Variants in RUBCN observed in about 807,000 individuals in gnomAD.
RUBCN encodes run domain Beclin-1-interacting and cysteine-rich domain-containing protein.
Under a neutral mutation model 113.2 loss-of-function variants are expected in RUBCN, and 74 were observed. The observed-to-expected ratio is 0.65, with a 90% CI of 0.54 to 0.79. The LOEUF is 0.79. Ranked by LOEUF, RUBCN falls within the 30% of genes least tolerant of loss-of-function variation. RUBCN has a pLI of 0.00. For synonymous variants in RUBCN, 480 were observed against 490.0 expected (o/e 0.98, Z 0.27); for missense variants, 1,109 against 1,251.7 (o/e 0.89, Z 1.72).
rs1721365424 is a variant in RUBCN at position 197,682,555 on chromosome 3, A to G, written c.2041T>C (p.Tyr681His). The G allele has an allele frequency of 6.2e-7, 1 of 1,614,126 alleles. No individual in the cohort carries two copies. The highest frequency in any genetic ancestry group is 8.5e-7 in the Non-Finnish European group (1 of 1,180,012). ...SPDDGQHADIYKLRIRVRGNL... is the reference protein window; with the variant it reads ...SPDDGQHADIHKLRIRVRGNL... ...CCACGAACACGAATCCGCAGCTTGT[A>G]GATGTCAGCGTGCTGCCCGTCATCC... Residue 681 changes from tyrosine (Y) to histidine (H), a missense_variant, in exon 14 of 20, where the codon TAC (tyrosine) becomes CAC (histidine). Transcript: ENST00000296343.
chr3:197,671,008 CT>C lies in RUBCN; in HGVS notation c.*4009del, dbSNP rs1034256924. ...CCCCTCATGCCACAGTGTGCTGGTG[CT>C]TTTTTTGTTTTGTTTTGTTTTTTTG... On this transcript the variant is annotated 3_prime_UTR_variant, in exon 20 of 20. Coordinates refer to ENST00000296343, the MANE Select transcript of RUBCN (RefSeq NM_014687.4). 3.3e-5 allele frequency among the ~76,000 whole-genome samples: 5 copies of C among 151,976 alleles called. No homozygotes were observed. The highest frequency in any genetic ancestry group is 2.1e-4 in the South Asian group (1 of 4,818).
exon 1 of RUBCN, chr3:197,749,665 G>C: frequency 1.3e-6 from 1 of 748,818 alleles, no homozygotes; most frequent in South Asian, 1.4e-5. Flanking sequence ...CCGCGGTCTA[G>C]CATCCCCCAG....
At chr3:197,686,781 G>T (rs770516605) in intron 11 of RUBCN, among the ~76,000 whole-genome samples, 6 of 152,084 alleles carry the variant, frequency 3.9e-5, no homozygotes, top group Non-Finnish European at 8.8e-5. Context: ...TGATTTTTTT[G>T]TACAAAAACA....
At position 197,681,935 on chromosome 3, in the gene RUBCN, C is replaced by A. The variant is rs1167180154; in HGVS notation, c.2127-36G>T. 1 of 1,553,276 alleles carries A rather than the reference C, an allele frequency of 6.4e-7. No homozygotes were observed. The highest frequency in any genetic ancestry group is 1.1e-5 in the South Asian group (1 of 89,808). On this transcript the variant is annotated intron_variant, in intron 14 of 19. Coordinates refer to ENST00000296343, the MANE Select transcript of RUBCN (RefSeq NM_014687.4). This position sits in a 1 kb window ranked among gnomAD's most constrained non-coding sequence, Gnocchi z 5.5. ...GTAAGGACAGGGCATTGGCACAGAG[C>A]AGCTGCGTGAGACCTTGGAGGTGTG...
chr3:197,704,446 G>T lies in RUBCN; in HGVS notation c.463+96C>A, dbSNP rs543507392. 850 of 1,239,986 alleles carry T rather than the reference G, an allele frequency of 6.9e-4. 4 individuals carry two copies. The highest frequency in any genetic ancestry group is 2.8e-3 in the Middle Eastern group (14 of 5,034). The allele number at this position is 1,239,986 out of a possible 1,614,324, so 76.8% of individuals were successfully genotyped here. A position where few individuals can be genotyped will look rare whatever the true frequency, so the allele number is the denominator to read the frequency against. ...CGTAAGTCCATCTCAAAGAAAAAAAGAAAAATAGGAGGCCCTGGTACCAGA... is the reference window on the plus strand; with the variant it reads ...CGTAAGTCCATCTCAAAGAAAAAAATAAAAATAGGAGGCCCTGGTACCAGA... On this transcript the variant is annotated intron_variant, in intron 4 of 19. Transcript: ENST00000296343.
intron 3 of RUBCN, 73 bp downstream of exon 3, chr3:197,705,019 A>G: frequency 8.4e-7 from 1 of 1,190,008 alleles, no homozygotes; most frequent in Non-Finnish European, 1.2e-6. Context: ...AGCCTAGAAG[A>G]TTCTTCTGAC....
At chr3:197,676,378 A>T (rs1337455842) in intron 18 of RUBCN, 39 of 972,466 alleles carry the variant, frequency 4.0e-5, no homozygotes, top group Non-Finnish European at 4.7e-5. Flanking sequence ...CAGTGGCATG[A>T]TCTCGGCTCA....
rs538909858 is a variant in RUBCN, at chr3:197,670,793, T to C, written c.*4225A>G. 5.3e-5 allele frequency among the ~76,000 whole-genome samples: 8 copies of C among 152,346 alleles called. No individual in the cohort carries two copies. Among genetic ancestry groups the C allele is most frequent in the Admixed American group, 5.2e-4 (8 of 15,304 alleles). On this transcript the variant is annotated 3_prime_UTR_variant, in exon 20 of 20. Transcript: ENST00000296343. ...GTTTAGTCCCTGGCAAGGAAAGAGC[T>C]GGCAGTTTAATAATAAAGTGACTGA...
chr3:197,695,911 G>A lies in RUBCN; in HGVS notation c.1428C>T (p.Ser476=), dbSNP rs774193277. 1 of 1,614,182 alleles carries A rather than the reference G, an allele frequency of 6.2e-7. No homozygotes were observed. The change falls in exon 9 of 20, where the codon AGC becomes AGT. Residue 476 remains serine (S), a synonymous_variant. Coordinates refer to ENST00000296343, the MANE Select transcript of RUBCN (RefSeq NM_014687.4). ...TGCCGAAGTCTTGCTCAGAGAGGTA[G>A]CTGATGAGGGACTGTCCTTCTGATG... ...RRPSEGQSLI[S]YLSEQDFGSC... is the part of the protein sequence containing the mutation.
intron 7 of RUBCN, among the ~76,000 whole-genome samples, chr3:197,697,607 G>T (rs966116821): frequency 6.6e-6 from 1 of 152,166 alleles, no homozygotes; most frequent in Non-Finnish European, 1.5e-5. Flanking sequence ...GGCTCGGCCC[G>T]GCCTTACTGA....
intron 11 of RUBCN, chr3:197,690,976 A>C: frequency 1.6e-6 from 1 of 629,626 alleles, no homozygotes; most frequent in Non-Finnish European, 2.6e-6. Flanking sequence ...AGTCCTCGTA[A>C]CCTTGACAGT....
Position 197,675,968 on chromosome 3 carries a change from T to C in RUBCN, c.2647-453A>G, listed in dbSNP as rs1435862038. On this transcript the variant is annotated intron_variant, in intron 18 of 19. Coordinates refer to ENST00000296343, the MANE Select transcript of RUBCN (RefSeq NM_014687.4). The surrounding 1 kb of genome is among the most constrained non-coding windows in gnomAD (Gnocchi z 4.4). ...TCCCAGACACACAGGGTTTCCTACC[T>C]GTGCCCAGCTCGAATTATGGGACGG... is the stretch of plus-strand genomic sequence containing the variant. 6.6e-6 allele frequency among the ~76,000 whole-genome samples: 1 copy of C among 152,200 alleles called. No homozygotes were observed. Among genetic ancestry groups the C allele is most frequent in the African/African-American group, 2.4e-5 (1 of 41,440 alleles).
At position 197,675,215 on chromosome 3, in the gene RUBCN, T is replaced by G. The variant is rs1450287406; in HGVS notation, c.2741-19A>C. On this transcript the variant is annotated intron_variant, in intron 19 of 19. Coordinates refer to ENST00000296343, the MANE Select transcript of RUBCN (RefSeq NM_014687.4). The surrounding 1 kb of genome is among the most constrained non-coding windows in gnomAD (Gnocchi z 4.4). Reference sequence around the variant, plus strand: ...TTACACTCTACTCAGGTTGGGAAGGTGGGGGAGAGAAGAAAACAATTTGTA... The same window carrying G: ...TTACACTCTACTCAGGTTGGGAAGGGGGGGGAGAGAAGAAAACAATTTGTA... The G allele has an allele frequency of 1.2e-6, 2 of 1,613,814 alleles. No individual in the cohort carries two copies. The highest frequency in any genetic ancestry group is 4.5e-5 in the East Asian group (2 of 44,882).
Position 197,681,744 on chromosome 3 carries a change from T to G in RUBCN, c.2191+91A>C. The G allele has an allele frequency of 8.6e-7, 1 of 1,166,382 alleles. No individual in the cohort carries two copies. The allele number at this position is 1,166,382 out of a possible 1,614,324, so 72.3% of individuals were successfully genotyped here. ...TCCCTACTTCTGCCACGCCACCTCC[T>G]GCTACCGCCTTTGACACGCCACCTC... is the stretch of plus-strand genomic sequence containing the variant. On this transcript the variant is annotated intron_variant, in intron 15 of 19. Coordinates refer to ENST00000296343, the MANE Select transcript of RUBCN (RefSeq NM_014687.4). The surrounding 1 kb of genome is among the most constrained non-coding windows in gnomAD (Gnocchi z 5.5).
chr3:197,701,979 G>A lies in RUBCN; in HGVS notation c.571-115C>T, dbSNP rs1450444749. The A allele has an allele frequency of 3.2e-6, 3 of 931,390 alleles. No homozygotes were observed. The East Asian group carries it at 7.8e-5, about 24-fold the overall frequency. 57.7% of individuals were successfully genotyped at this position (931,390 alleles called of 1,614,324 possible). On this transcript the variant is annotated intron_variant, in intron 5 of 19. Coordinates refer to ENST00000296343, the MANE Select transcript of RUBCN (RefSeq NM_014687.4). ...AGAAGCTACCTTTGCAGTAGGCCTG[G>A]ACTTTAGCCAGAGCCTGTAGATACA... is the stretch of plus-strand genomic sequence containing the variant.
intron 1 of RUBCN, among the ~76,000 whole-genome samples, chr3:197,747,441 G>A (rs559775313): frequency 6.2e-4 from 93 of 150,744 alleles, no homozygotes; most frequent in South Asian, 1.0e-3. Context: ...GGCTGGTCTC[G>A]TACTCCTGGG....
chr3:197,682,497 ATC>A lies in RUBCN; in HGVS notation c.2097_2098del (p.Gln699HisfsTer4), dbSNP rs764057016. 1 of 1,614,180 alleles carries A rather than the reference ATC, an allele frequency of 6.2e-7. No individual in the cohort carries two copies. The highest frequency in any genetic ancestry group is 1.1e-5 in the South Asian group (1 of 91,088). On this transcript the variant is annotated frameshift_variant, in exon 14 of 20. Coordinates refer to ENST00000296343, the MANE Select transcript of RUBCN (RefSeq NM_014687.4). LOFTEE classifies it high-confidence loss of function. Reference sequence around the variant, plus strand: ...TGGGGCTGGATGAACATTAAAAATTATCTGAGGCCGGGGCGGGGCCCACTCCA... The same window carrying A: ...TGGGGCTGGATGAACATTAAAAATTATGAGGCCGGGGCGGGGCCCACTCCA...
chr3:197,723,361 T>C (rs964115242), intron 1 of RUBCN, among the ~76,000 whole-genome samples: 1 of 152,034 alleles, frequency 6.6e-6, no homozygotes, highest in African/African-American at 2.4e-5. Context: ...AATATTTGTA[T>C]TTTTAGTAGA....
chr3:197,676,792 C>T (rs759643830), intron 18 of RUBCN, 93 bp downstream of exon 18: 2 of 1,602,618 alleles, frequency 1.2e-6, no homozygotes, highest in East Asian at 2.2e-5. Flanking sequence ...TTTCAACTTC[C>T]TCAAGCTAAG....
Sources: allele counts gnomAD v4.1 joint callset (sites outside exome capture counted in the v4.1 genomes callset), GRCh38; gene constraint gnomAD v4.1.1; non-coding constraint Gnocchi (gnomAD v3.1); transcripts MANE v1.5; gene names NCBI Gene and HGNC (gene_info 2026-07-23, HGNC 2026-07-21).